DCTN1: variants seen among roughly 807,000 people sequenced by gnomAD.
DCTN1 encodes dynactin subunit 1.
A neutral mutation model predicts 161.2 loss-of-function variants in DCTN1; 61 were observed. The ratio of observed to expected loss-of-function variants is 0.38; its 90% CI spans 0.31 to 0.47. The LOEUF (loss-of-function observed/expected upper bound fraction) is 0.47, where lower values mean the gene tolerates loss of function less well. Ranked by LOEUF, DCTN1 falls within the 20% of genes least tolerant of loss-of-function variation. The probability of loss-of-function intolerance (pLI) is 0.99; values close to 1 mark genes in which losing one functional copy is unlikely to be tolerated. For missense variants in DCTN1, 1,404 were observed against 1,623.7 expected (o/e 0.86, Z 2.33); for synonymous variants, 653 against 632.4 (o/e 1.03, Z -0.49).
chr2:74,366,744 T>C, intron 21 of DCTN1, 39 bp downstream of exon 21: 1 of 1,614,270 alleles, frequency 6.2e-7, no homozygotes, highest in Non-Finnish European at 8.5e-7. Context: ...TTCATGTTTC[T>C]ACTCAGTTTC....
chr2:74,391,107 G>A (rs1005478235), intron 1 of DCTN1: 5 of 152,744 alleles, frequency 3.3e-5, no homozygotes, highest in Non-Finnish European at 7.3e-5. Context: ...ACATCTCATA[G>A]CTTAGGCTTT....
upstream of DCTN1, among the ~76,000 whole-genome samples, chr2:74,382,795 G>A (rs1258560612): frequency 1.3e-5 from 2 of 152,012 alleles, no homozygotes; most frequent in Non-Finnish European, 2.9e-5. Context: ...TGTGGAGGCC[G>A]GGCGCGGTGG....
chr2:74,363,425 C>T lies in DCTN1; in HGVS notation c.3214G>A (p.Ala1072Thr), dbSNP rs1398639007. The change falls in exon 28 of 32, where the codon GCC (alanine) becomes ACC (threonine). Residue 1072 changes from alanine (A) to threonine (T), a missense_variant and splice_region_variant. This residue lies in a region of DCTN1 where 311 missense variants were observed against 298.9 expected (regional missense o/e 1.04). Coordinates refer to ENST00000628224, the MANE Select transcript of DCTN1 (RefSeq NM_004082.5). ...GIAGEEQQRG[A>T]IPGQAPGSVP... ...GACCCTGGAGCCTGCCCAGGGATGG[C>T]TCCTGTGGGGACCATAAAAAATCTC... 1 of 1,612,132 alleles carries T rather than the reference C, an allele frequency of 6.2e-7. No homozygotes were observed. Among genetic ancestry groups the T allele is most frequent in the South Asian group, 1.1e-5 (1 of 90,756 alleles).
At chr2:74,374,162 C>T in intron 6 of DCTN1, 161 bp downstream of exon 6, 1 of 727,250 alleles carries the variant, frequency 1.4e-6, no homozygotes, top group South Asian at 1.5e-5. Context: ...GGGTGTGGGG[C>T]ATAGTGGTGA....
chr2:74,363,500 C>T (rs550103366), intron 27 of DCTN1, 73 bp from the exon 28 acceptor site: 263 of 1,599,628 alleles, frequency 1.6e-4, no homozygotes, highest in Non-Finnish European at 1.0e-4. Flanking sequence ...TCCTACTCTT[C>T]CCCTTTCCTC....
In DCTN1 at chr2:74,368,364, G is replaced by T. The variant is rs116513775; in HGVS notation, c.1855-233C>A. ...AAATGAAAGGGTAGTGGGACCGGTG[G>T]AATCAAGGTCTTTCCTGACTTAAAG... On this transcript the variant is annotated intron_variant, in intron 16 of 31. Coordinates refer to ENST00000628224, the MANE Select transcript of DCTN1 (RefSeq NM_004082.5). 0.032 allele frequency: 20,263 copies of T among 633,128 alleles called. 450 individuals carry two copies. The highest frequency in any genetic ancestry group is 0.045 in the Non-Finnish European group (16,729 of 369,438). The allele number at this position is 633,128 out of a possible 1,614,324, so 39.2% of individuals were successfully genotyped here. A position where few individuals can be genotyped will look rare whatever the true frequency, so the allele number is the denominator to read the frequency against.
At chr2:74,379,732 G>A (rs1675423108) in intron 1 of DCTN1, among the ~76,000 whole-genome samples, 1 of 152,144 alleles carries the variant, frequency 6.6e-6, no homozygotes, top group South Asian at 2.1e-4. Context: ...TGAGTCCCCA[G>A]GATAGTCTGG....
At chr2:74,389,164 G>A (rs1186295336) in intron 1 of DCTN1, among the ~76,000 whole-genome samples, 1 of 152,110 alleles carries the variant, frequency 6.6e-6, no homozygotes, top group Non-Finnish European at 1.5e-5. Flanking sequence ...AGCCCTTGGG[G>A]AGGCCAGACT....
intron 8 of DCTN1, 155 bp downstream of exon 8, chr2:74,371,382 G>T: frequency 7.8e-7 from 1 of 1,275,630 alleles, no homozygotes. Context: ...GGAAAGGATG[G>T]CTCAGTCAGT....
chr2:74,374,318 A>G lies in DCTN1; in HGVS notation c.432+5T>C. 1 of 1,613,388 alleles carries G rather than the reference A, an allele frequency of 6.2e-7. No individual in the cohort carries two copies. The highest frequency in any genetic ancestry group is 8.5e-7 in the Non-Finnish European group (1 of 1,179,598). The stretch of plus-strand genomic sequence containing the variant: ...CAGCAGCAGGACGAGAGCAAGCAAG[A>G]GTACCTTTCGGGCTGTCGGTGCCTG... On this transcript the variant is annotated splice_donor_5th_base_variant and intron_variant, in intron 6 of 31. Coordinates refer to ENST00000628224, the MANE Select transcript of DCTN1 (RefSeq NM_004082.5).
At chr2:74,383,705 A>G (rs1236176706), upstream of DCTN1, 2 of 152,250 alleles carry the variant, frequency 1.3e-5, no homozygotes, top group African/African-American at 4.8e-5. Context: ...AAACATGAGG[A>G]AAGAGGCAGC....
chr2:74,366,882 A>C lies in DCTN1; in HGVS notation c.2367T>G (p.Thr789=), dbSNP rs994669046. 3.1e-6 allele frequency: 5 copies of C among 1,614,102 alleles called. No individual in the cohort carries two copies. The highest frequency in any genetic ancestry group is 4.2e-6 in the Non-Finnish European group (5 of 1,180,044). Residue 789 remains threonine, a synonymous_variant, in exon 21 of 32, where the codon ACT becomes ACG. Coordinates refer to ENST00000628224, the MANE Select transcript of DCTN1 (RefSeq NM_004082.5). ...DIALLLRDLE[T]SCSDIRQFCK... ...AGAACTGGCGGATGTCACTGCATGAAGTTTCCAGATCCCGGAGCAGGAGGG... is the reference window on the plus strand; with the variant it reads ...AGAACTGGCGGATGTCACTGCATGACGTTTCCAGATCCCGGAGCAGGAGGG...
At chr2:74,363,520 T>C in intron 27 of DCTN1, 93 bp from the exon 28 acceptor site, 1 of 1,596,384 alleles carries the variant, frequency 6.3e-7, no homozygotes, top group Admixed American at 1.7e-5. Context: ...CATCCCCCCA[T>C]CACCCATCTC....
intron 5 of DCTN1, among the ~76,000 whole-genome samples, chr2:74,376,136 G>C (rs547608163): frequency 6.6e-6 from 1 of 152,284 alleles, no homozygotes; most frequent in South Asian, 2.1e-4. Flanking sequence ...GATGGTTGAT[G>C]AAAGGCTGCA....
chr2:74,379,555 T>C (rs558331515), intron 1 of DCTN1, among the ~76,000 whole-genome samples: 129 of 152,036 alleles, frequency 8.5e-4, no homozygotes, highest in Non-Finnish European at 1.6e-3. Context: ...GAACCCAAAG[T>C]CAGAGACTCC....
At chr2:74,366,717 C>T in intron 21 of DCTN1, 66 bp downstream of exon 21, 1 of 1,614,224 alleles carries the variant, frequency 6.2e-7, no homozygotes. Context: ...AGATCCAGAT[C>T]TTCAAGTGCT....
rs1573159255 is a variant in DCTN1 at position 74,369,224 on chromosome 2, G to T, written c.1585-10C>A. 1.9e-6 allele frequency: 3 copies of T among 1,614,184 alleles called. No individual in the cohort carries two copies. Among genetic ancestry groups the T allele is most frequent in the South Asian group, 2.2e-5 (2 of 91,088 alleles). On this transcript the variant is annotated splice_polypyrimidine_tract_variant and intron_variant, in intron 14 of 31. Transcript: ENST00000628224. The surrounding 1 kb of genome is among the most constrained non-coding windows in gnomAD (Gnocchi z 4.9). ...GTTCCCGATTCACATCCTAGGAGGAGAGACAGTGAAGCACAGCTGGGTCAT... is the reference window on the plus strand; with the variant it reads ...GTTCCCGATTCACATCCTAGGAGGATAGACAGTGAAGCACAGCTGGGTCAT...
rs1380684497 is a variant in DCTN1 at position 74,376,856 on chromosome 2, TA to T, written c.394-95del. 3.5e-6 allele frequency: 4 copies of T among 1,146,710 alleles called. No individual in the cohort carries two copies. The East Asian group carries it at 1.0e-4, about 29-fold the overall frequency. 71.0% of individuals were successfully genotyped at this position (1,146,710 alleles called of 1,614,324 possible). ...CGGGCTTACACAGGTTAGACGCGGG[TA>T]GGGGGGAGTCAGGGTGAGATGAGTA... On this transcript the variant is annotated intron_variant, in intron 4 of 31. Coordinates refer to ENST00000628224, the MANE Select transcript of DCTN1 (RefSeq NM_004082.5).
rs1674685705 is a variant in DCTN1, at chr2:74,369,642, A to ATCTCT, written c.1393-156_1393-152dup. ...ATGCTGGCCAACATGGTGAAACCCC[A>ATCTCT]TCTCTACTAAAAATACAAAAATTAG... On this transcript the variant is annotated intron_variant, in intron 13 of 31. Transcript: ENST00000628224. This position sits in a 1 kb window ranked among gnomAD's most constrained non-coding sequence, Gnocchi z 4.9. 1 of 863,366 alleles carries ATCTCT rather than the reference A, an allele frequency of 1.2e-6. No homozygotes were observed. The highest frequency in any genetic ancestry group is 1.6e-5 in the African/African-American group (1 of 61,078). The allele number at this position is 863,366 out of a possible 1,614,324, so 53.5% of individuals were successfully genotyped here. A position where few individuals can be genotyped will look rare whatever the true frequency, so the allele number is the denominator to read the frequency against.
Sources: gnomAD v4.1 joint callset for allele counts (sites outside exome capture counted in the v4.1 genomes callset) on GRCh38, gnomAD v4.1.1 for gene constraint, gnomAD v4.1.1 regional missense constraint, Gnocchi (gnomAD v3.1) non-coding constraint, MANE v1.5 for transcripts, NCBI Gene and HGNC (gene_info 2026-07-23, HGNC 2026-07-21) for gene names.